CACNA1E: variants seen among roughly 807,000 people sequenced by gnomAD.
The protein encoded by CACNA1E is voltage-dependent R-type calcium channel subunit alpha-1E.
CACNA1E carries 40 observed loss-of-function variants against 259.2 expected under a neutral mutation model. The ratio of observed to expected loss-of-function variants is 0.15; its 90% CI spans 0.12 to 0.20. The LOEUF is 0.20. Ranked by LOEUF, CACNA1E falls within the 10% of genes least tolerant of loss-of-function variation. The probability of loss-of-function intolerance (pLI) is 1.00; values close to 1 mark genes in which losing one functional copy is unlikely to be tolerated. For synonymous variants in CACNA1E, 1,104 were observed against 1,138.5 expected (o/e 0.97, Z 0.61); for missense variants, 1,874 against 3,040.1 (o/e 0.62, Z 9.02).
chr1:181,719,193 C>A (rs937696994), intron 12 of CACNA1E, among the ~76,000 whole-genome samples: 61 of 152,232 alleles, frequency 4.0e-4, no homozygotes, highest in African/African-American at 1.5e-3. Context: ...AGTGGACATT[C>A]AATAAATATA....
chr1:181,394,508 C>T (rs148726365), intron 1 of CACNA1E, among the ~76,000 whole-genome samples: 8 of 152,158 alleles, frequency 5.3e-5, no homozygotes, highest in East Asian at 3.9e-4. Flanking sequence ...ACATAGATAC[C>T]GGCCCTTTTC....
chr1:181,599,556 G>A (rs1188120691), intron 6 of CACNA1E, among the ~76,000 whole-genome samples: 2 of 152,182 alleles, frequency 1.3e-5, no homozygotes, highest in Non-Finnish European at 2.9e-5. Flanking sequence ...CACCTCTTGT[G>A]TGTGTATTTG....
intron 1 of CACNA1E, among the ~76,000 whole-genome samples, chr1:181,337,144 C>T (rs1391260266): frequency 1.3e-5 from 2 of 151,180 alleles, no homozygotes; most frequent in Non-Finnish European, 2.9e-5. Flanking sequence ...GTGGTAGGAG[C>T]ACTTAGAATC....
At chr1:181,589,095 A>G (rs1652377254) in intron 6 of CACNA1E, among the ~76,000 whole-genome samples, 1 of 152,236 alleles carries the variant, frequency 6.6e-6, no homozygotes, top group Non-Finnish European at 1.5e-5. Context: ...TTGTAATTGC[A>G]GATTCCCGGG....
chr1:181,556,783 G>T (rs1648768481), intron 3 of CACNA1E, among the ~76,000 whole-genome samples: 1 of 152,194 alleles, frequency 6.6e-6, no homozygotes, highest in African/African-American at 2.4e-5. Flanking sequence ...AGGGGCTCAG[G>T]TTTCTCAACA....
chr1:181,683,621 A>G (rs1435520471), intron 7 of CACNA1E, among the ~76,000 whole-genome samples: 2 of 152,090 alleles, frequency 1.3e-5, no homozygotes, highest in African/African-American at 4.8e-5. Flanking sequence ...CCTGATATCT[A>G]TTGTTAACCT....
At chr1:181,661,929 G>A (rs1365207254) in intron 7 of CACNA1E, among the ~76,000 whole-genome samples, 1 of 152,118 alleles carries the variant, frequency 6.6e-6, no homozygotes, top group Non-Finnish European at 1.5e-5. Flanking sequence ...TGTCCTTTAT[G>A]GAAGGAAATT....
intron 7 of CACNA1E, chr1:181,652,226 A>G (rs1336927674): frequency 1.3e-5 from 2 of 152,364 alleles, no homozygotes; most frequent in Non-Finnish European, 2.9e-5. Flanking sequence ...TGGAGTGTGA[A>G]GAAATTATAA....
At chr1:181,354,067 A>G (rs1484652831) in intron 1 of CACNA1E, among the ~76,000 whole-genome samples, 1 of 151,832 alleles carries the variant, frequency 6.6e-6, no homozygotes, top group African/African-American at 2.4e-5. Flanking sequence ...ACAAATTGGA[A>G]TCTTACTTTA....
chr1:181,687,683 C>T (rs563659619), intron 7 of CACNA1E, among the ~76,000 whole-genome samples: 41 of 152,198 alleles, frequency 2.7e-4, no homozygotes, highest in African/African-American at 9.6e-4. Flanking sequence ...AAAATTATAA[C>T]CTGTTTGCTT....
At chr1:181,334,601 C>T (rs1316474387) in intron 1 of CACNA1E, among the ~76,000 whole-genome samples, 3 of 152,212 alleles carry the variant, frequency 2.0e-5, no homozygotes, top group Non-Finnish European at 4.4e-5. Flanking sequence ...ATTCTTGACA[C>T]CTCTCTTTCA....
chr1:181,344,968 A>G (rs1652472181), intron 1 of CACNA1E, among the ~76,000 whole-genome samples: 1 of 152,204 alleles, frequency 6.6e-6, no homozygotes, highest in Admixed American at 6.5e-5. Context: ...AAGGTATGAT[A>G]CATTGAATTT....
At chr1:181,631,461 G>A (rs967769716) in intron 6 of CACNA1E, among the ~76,000 whole-genome samples, 2 of 152,160 alleles carry the variant, frequency 1.3e-5, no homozygotes, top group Admixed American at 6.5e-5. Context: ...CCTGATACCA[G>A]AGGTGTCCTC....
chr1:181,697,261 G>A (rs138225661), intron 7 of CACNA1E, among the ~76,000 whole-genome samples: 1 of 152,358 alleles, frequency 6.6e-6, no homozygotes, highest in East Asian at 1.9e-4. Context: ...GGTGGCACAG[G>A]TCCCCTGGCT....
intron 1 of CACNA1E, among the ~76,000 whole-genome samples, chr1:181,397,724 C>CGGAG: frequency 6.6e-6 from 1 of 152,244 alleles, no homozygotes; most frequent in Middle Eastern, 3.4e-3. Context: ...ACCTGGTGTC[C>CGGAG]CTCCCCCTCA....
intron 6 of CACNA1E, among the ~76,000 whole-genome samples, chr1:181,588,350 T>C (rs1441946482): frequency 6.6e-6 from 1 of 152,224 alleles, no homozygotes; most frequent in Non-Finnish European, 1.5e-5. Flanking sequence ...TGTTAATACT[T>C]GTCCTCTCTA....
intron 43 of CACNA1E, among the ~76,000 whole-genome samples, chr1:181,786,513 G>A (rs1660859346): frequency 6.6e-6 from 1 of 151,304 alleles, no homozygotes; most frequent in Admixed American, 6.7e-5. Context: ...TTCAGAAAGG[G>A]AACTTACTTT....
chr1:181,805,422 A>G lies in CACNA1E; in HGVS notation c.*6588A>G, dbSNP rs1195435460. The G allele has an allele frequency of 6.6e-6, 1 of 152,232 alleles. No individual in the cohort carries two copies. Among genetic ancestry groups the G allele is most frequent in the Non-Finnish European group, 1.5e-5 (1 of 68,034 alleles). 9.4% of individuals were successfully genotyped at this position (152,232 alleles called of 1,614,324 possible). The stretch of plus-strand genomic sequence containing the variant: ...CCAAAATTTTAAAGTGCCATTAATC[A>G]ATTTTTAAGAATAAAGGTAATATGA... On this transcript the variant is annotated 3_prime_UTR_variant, in exon 48 of 48. Coordinates refer to ENST00000367573, the MANE Select transcript of CACNA1E (RefSeq NM_001205293.3).
chr1:181,367,559 A>G (rs541689170), intron 1 of CACNA1E, among the ~76,000 whole-genome samples: 14 of 147,522 alleles, frequency 9.5e-5, no homozygotes, highest in African/African-American at 2.7e-4. Flanking sequence ...ATATTTATAT[A>G]ACTATAATAT....
Sources: gnomAD v4.1 joint callset for allele counts (sites outside exome capture counted in the v4.1 genomes callset) on GRCh38, gnomAD v4.1.1 for gene constraint, MANE v1.5 for transcripts, NCBI Gene and HGNC (gene_info 2026-07-23, HGNC 2026-07-21) for gene names.